Variants in PCDHA5 observed in about 807,000 individuals in gnomAD.
PCDHA5 encodes the protein protocadherin alpha-5.
PCDHA5 carries 43 observed loss-of-function variants against 61.6 expected under a neutral mutation model. That is an observed-to-expected ratio of 0.70 (90% CI 0.55 to 0.90). The LOEUF is 0.90. Ranked by LOEUF, PCDHA5 falls within the 40% of genes least tolerant of loss-of-function variation. PCDHA5 has a pLI of 0.00. For missense variants in PCDHA5, 1,298 were observed against 1,222.7 expected, an observed-to-expected ratio of 1.06 and a Z score of -0.92; for synonymous variants, 627 against 543.9, an observed-to-expected ratio of 1.15 and a Z score of -2.13.
intron 1 of PCDHA5, chr5:140,884,138 G>T (rs782798249): frequency 6.2e-7 from 1 of 1,613,410 alleles, no homozygotes; most frequent in Admixed American, 1.7e-5. Context: ...CCCGTTCCGC[G>T]TGGGGCTGTA....
At chr5:140,882,909 C>A in intron 1 of PCDHA5, 2 of 1,614,172 alleles carry the variant, frequency 1.2e-6, no homozygotes, top group Non-Finnish European at 1.7e-6. Context: ...TTACTGACAG[C>A]CAGTGATGGA....
intron 1 of PCDHA5, chr5:140,883,247 A>C: frequency 6.2e-7 from 1 of 1,614,084 alleles, no homozygotes; most frequent in Non-Finnish European, 8.5e-7. Context: ...TGACAAAGGA[A>C]ATATTCCAAT....
rs1459131060 is a variant in PCDHA5 at position 140,876,463 on chromosome 5, G to A, written c.2352+52336G>A. On this transcript the variant is annotated intron_variant, in intron 1 of 3. Transcript: ENST00000529859. ...CATTGATAAAGGGATTCCTTCCATG[G>A]CAGGTCACAGCATGGTCCTGGTGGA... is the stretch of plus-strand genomic sequence containing the variant. 3.7e-6 allele frequency: 6 copies of A among 1,613,896 alleles called. No homozygotes were observed. In the African/African-American group the frequency reaches 6.7e-5, roughly 18 times the overall value.
rs150226999 is a variant in PCDHA5, at chr5:140,970,370, C to T, written c.2353-8579C>T. 2.1e-3 allele frequency among the ~76,000 whole-genome samples: 315 copies of T among 152,234 alleles called. 1 individual carries two copies. The highest frequency in any genetic ancestry group is 7.2e-3 in the African/African-American group (299 of 41,540). On this transcript the variant is annotated intron_variant, in intron 1 of 3. Coordinates refer to ENST00000529859, the MANE Select transcript of PCDHA5 (RefSeq NM_018908.3). ...GGATCTAAAATTTGATTTGCTATAG[C>T]TTCAAAAGGCTGGCTTGGAAAGTGG...
chr5:140,979,146 TC>T (rs2096836943), intron 2 of PCDHA5, 139 bp downstream of exon 2: 2 of 1,444,078 alleles, frequency 1.4e-6, no homozygotes, highest in African/African-American at 2.9e-5. Context: ...AATTATTTTG[TC>T]CCCATGTTTA....
chr5:141,009,544 C>A (rs1236431515), intron 3 of PCDHA5, 83 bp from the exon 4 acceptor site: 1 of 1,534,390 alleles, frequency 6.5e-7, no homozygotes. Context: ...CCTGCCTATG[C>A]AGTACTCCTG....
chr5:140,995,993 A>G (rs1017469411), intron 3 of PCDHA5, among the ~76,000 whole-genome samples: 16 of 152,226 alleles, frequency 1.1e-4, no homozygotes, highest in Non-Finnish European at 1.8e-4. Context: ...GCCACTCAAA[A>G]ATGTCGTCAG....
At chr5:140,836,830 GAT>G in intron 1 of PCDHA5, 1 of 945,180 alleles carries the variant, frequency 1.1e-6, no homozygotes, top group Non-Finnish European at 1.6e-6. Flanking sequence ...TTTTTTAGTT[GAT>G]AGCTTTATGT....
At chr5:141,004,030 C>T (rs1337271425) in intron 3 of PCDHA5, among the ~76,000 whole-genome samples, 1 of 152,204 alleles carries the variant, frequency 6.6e-6, no homozygotes, top group Non-Finnish European at 1.5e-5. Flanking sequence ...GAAACATTTC[C>T]TTGATTGATC....
Sources: gnomAD v4.1 joint callset for allele counts (sites outside exome capture counted in the v4.1 genomes callset) on GRCh38, gnomAD v4.1.1 for gene constraint, MANE v1.5 for transcripts, NCBI Gene and HGNC (gene_info 2026-07-23, HGNC 2026-07-21) for gene names.